The following COL20A1 variants were observed in gnomAD, a reference collection of about 807,000 sequenced individuals.
COL20A1 encodes collagen type XX alpha 1 chain.
In COL20A1, 164 loss-of-function variants were observed where a neutral mutation model predicts 152.9. The ratio of observed to expected loss-of-function variants is 1.07; its 90% CI spans 0.94 to 1.22. COL20A1 has a LOEUF of 1.22. Ranked by LOEUF, COL20A1 falls within the 50% of genes most tolerant of loss-of-function variation. The probability of loss-of-function intolerance (pLI) is 0.00; values close to 1 mark genes in which losing one functional copy is unlikely to be tolerated. For synonymous variants in COL20A1, 864 were observed against 756.0 expected, an observed-to-expected ratio of 1.14 and a Z score of -2.34; for missense variants, 1,873 against 1,744.8, an observed-to-expected ratio of 1.07 and a Z score of -1.31.
Position 63,311,297 on chromosome 20 carries a change from G to A in COL20A1, c.1394-97G>A. 2 of 1,319,920 alleles carry A rather than the reference G, an allele frequency of 1.5e-6. No individual in the cohort carries two copies. Among genetic ancestry groups the A allele is most frequent in the Non-Finnish European group, 2.0e-6 (2 of 986,072 alleles). 81.8% of individuals were successfully genotyped at this position (1,319,920 alleles called of 1,614,324 possible). On this transcript the variant is annotated intron_variant, in intron 11 of 35. Transcript: ENST00000358894. This position sits in a 1 kb window ranked among gnomAD's most constrained non-coding sequence, Gnocchi z 4.4. Reference sequence around the variant, plus strand: ...TTGAATCCTGTGCACCTGCCAGGCGGTGGCCGTGCCCACCCACTCTGGTGT... The same window carrying A: ...TTGAATCCTGTGCACCTGCCAGGCGATGGCCGTGCCCACCCACTCTGGTGT...
At chr20:63,317,467 A>C (rs2068099270) in intron 21 of COL20A1, among the ~76,000 whole-genome samples, 1 of 101,124 alleles carries the variant, frequency 9.9e-6, no homozygotes, top group African/African-American at 3.3e-5. Flanking sequence ...CCGTCCCTTA[A>C]AAAAAAAAAA....
At position 63,333,119 on chromosome 20, in the gene COL20A1, C is replaced by T. The variant is rs1249146884; in HGVS notation, c.*2403C>T. ...TCCCCTCCTGCCTTTACGGCCACAGCTCTCCCCTCCAGAGGCCCCTCTGTA... is the reference window on the plus strand; with the variant it reads ...TCCCCTCCTGCCTTTACGGCCACAGTTCTCCCCTCCAGAGGCCCCTCTGTA... On this transcript the variant is annotated 3_prime_UTR_variant, in exon 36 of 36. Coordinates refer to ENST00000358894, the MANE Select transcript of COL20A1 (RefSeq NM_020882.4). The T allele has an allele frequency of 6.6e-6, 1 of 152,358 alleles. No homozygotes were observed. Among genetic ancestry groups the T allele is most frequent in the African/African-American group, 2.4e-5 (1 of 41,424 alleles). The allele number at this position is 152,358 out of a possible 1,614,324, so 9.4% of individuals were successfully genotyped here.
Position 63,305,959 on chromosome 20 carries a change from C to T in COL20A1, c.416C>T (p.Ser139Phe), listed in dbSNP as rs1361397643. Residue 139 changes from serine to phenylalanine, a missense_variant, in exon 5 of 36, where the codon TCC becomes TTC. Coordinates refer to ENST00000358894, the MANE Select transcript of COL20A1 (RefSeq NM_020882.4). This position sits in a 1 kb window ranked among gnomAD's most constrained non-coding sequence, Gnocchi z 4.9. ...LGSGAPEPTPSHTGSPDPEQA... is the reference protein window; with the variant it reads ...LGSGAPEPTPFHTGSPDPEQA... ...TCTGGAGCCCCGGAGCCCACCCCCT[C>T]CCACACGGGGAGCCCAGACCCTGAG... is the stretch of plus-strand genomic sequence containing the variant. 2 of 1,612,608 alleles carry T rather than the reference C, an allele frequency of 1.2e-6. No homozygotes were observed. The highest frequency in any genetic ancestry group is 1.7e-6 in the Non-Finnish European group (2 of 1,179,750).
chr20:63,295,303 C>G (rs1340555359), intron 2 of COL20A1, 114 bp downstream of exon 2: 1 of 673,528 alleles, frequency 1.5e-6, no homozygotes, highest in Non-Finnish European at 2.6e-6. Context: ...AAGTTGAATG[C>G]GTGCTGAATT....
chr20:63,298,871 G>T (rs528394561), intron 3 of COL20A1, among the ~76,000 whole-genome samples: 2 of 152,352 alleles, frequency 1.3e-5, no homozygotes, highest in East Asian at 3.9e-4. Context: ...GCACTGTGGG[G>T]TGGCCAACTC....
chr20:63,312,028 G>A lies in COL20A1; in HGVS notation c.1776G>A (p.Val592=). ...TGCGCCTGGTCAGGGTCACCTATGTGTCCAGCGAGGGTGGACACTCGGGGC... is the reference window on the plus strand; with the variant it reads ...TGCGCCTGGTCAGGGTCACCTATGTATCCAGCGAGGGTGGACACTCGGGGC... ...RPVRLVRVTY[V]SSEGGHSGQT... The change falls in exon 14 of 36, where the codon GTG becomes GTA. Residue 592 remains valine (V), a synonymous_variant. Coordinates refer to ENST00000358894, the MANE Select transcript of COL20A1 (RefSeq NM_020882.4). 1.3e-6 allele frequency: 2 copies of A among 1,597,138 alleles called. No individual in the cohort carries two copies.
At position 63,319,041 on chromosome 20, in the gene COL20A1, TC is replaced by T; in HGVS notation, c.2664-12del. The T allele has an allele frequency of 6.4e-7, 1 of 1,564,806 alleles. No individual in the cohort carries two copies. Among genetic ancestry groups the T allele is most frequent in the Non-Finnish European group, 8.8e-7 (1 of 1,138,070 alleles). Reference sequence around the variant, plus strand: ...TTGGGTCTGCTCATGTGCCTCTCCCTCCCCCAACCCCCACAGTGACGTCTAC... The same window carrying T: ...TTGGGTCTGCTCATGTGCCTCTCCCTCCCCAACCCCCACAGTGACGTCTAC... On this transcript the variant is annotated splice_polypyrimidine_tract_variant and intron_variant, in intron 21 of 35. Coordinates refer to ENST00000358894, the MANE Select transcript of COL20A1 (RefSeq NM_020882.4). This position sits in a 1 kb window ranked among gnomAD's most constrained non-coding sequence, Gnocchi z 4.4.
In COL20A1 at chr20:63,325,957, A is replaced by G. The variant is rs960817201; in HGVS notation, c.3403-139A>G. On this transcript the variant is annotated intron_variant, in intron 29 of 35. Coordinates refer to ENST00000358894, the MANE Select transcript of COL20A1 (RefSeq NM_020882.4). Reference sequence around the variant, plus strand: ...AGGGTGGGTGGGGGAGTGGCTGGGTAGGAGCCTGGCAGCCTCAGCTGCCTC... The same window carrying G: ...AGGGTGGGTGGGGGAGTGGCTGGGTGGGAGCCTGGCAGCCTCAGCTGCCTC... 6.6e-5 allele frequency: 53 copies of G among 801,650 alleles called. No homozygotes were observed. In the East Asian group the frequency reaches 1.0e-3, roughly 16 times the overall value. The allele number at this position is 801,650 out of a possible 1,614,324, so 49.7% of individuals were successfully genotyped here.
At chr20:63,329,463 A>G in intron 34 of COL20A1, 122 bp from the exon 35 acceptor site, 3 of 730,026 alleles carry the variant, frequency 4.1e-6, no homozygotes, top group Non-Finnish European at 7.0e-6. Flanking sequence ...TCAGACTCCC[A>G]TCTAAGGACC....
At chr20:63,316,408 T>C (rs2068084603) in intron 20 of COL20A1, 145 bp from the exon 21 acceptor site, 3 of 196,850 alleles carry the variant, frequency 1.5e-5, no homozygotes, top group Admixed American at 7.0e-5. Flanking sequence ...CTGTGCTGAC[T>C]TCCCACCCAC....
chr20:63,326,059 C>A, intron 29 of COL20A1, 37 bp from the exon 30 acceptor site: 1 of 1,596,776 alleles, frequency 6.3e-7, no homozygotes. Flanking sequence ...GGTACAGGTA[C>A]AAACCCCACC....
intron 35 of COL20A1, among the ~76,000 whole-genome samples, chr20:63,330,221 G>A (rs2068314632): frequency 6.6e-6 from 1 of 152,158 alleles, no homozygotes; most frequent in African/African-American, 2.4e-5. Context: ...CCCAGCAGCA[G>A]GTGTGGGGAC....
intron 30 of COL20A1, 99 bp downstream of exon 30, chr20:63,326,248 T>C: frequency 1.0e-6 from 1 of 973,612 alleles, no homozygotes; most frequent in Non-Finnish European, 1.6e-6. Context: ...CACCCCTAGG[T>C]TACCCCAGGA....
chr20:63,327,199 G>A (rs931599967), intron 31 of COL20A1: 10 of 199,898 alleles, frequency 5.0e-5, no homozygotes, highest in East Asian at 1.3e-4. Flanking sequence ...TTGACGGCCC[G>A]GGGACTTCCT....
intron 3 of COL20A1, among the ~76,000 whole-genome samples, chr20:63,302,659 G>T (rs2067875453): frequency 6.6e-6 from 1 of 152,116 alleles, no homozygotes; most frequent in Non-Finnish European, 1.5e-5. Flanking sequence ...TCTGAATTGG[G>T]GTGTGAACAG....
intron 3 of COL20A1, among the ~76,000 whole-genome samples, chr20:63,299,374 A>G (rs1325294473): frequency 6.6e-6 from 1 of 152,110 alleles, no homozygotes; most frequent in Non-Finnish European, 1.5e-5. Context: ...CCGTTGCATG[A>G]CACCCTTGGC....
intron 34 of COL20A1, chr20:63,329,244 C>T (rs1237869508): frequency 3.8e-6 from 1 of 266,288 alleles, no homozygotes; most frequent in Non-Finnish European, 7.1e-6. Flanking sequence ...CCACAGTGGC[C>T]TGGTTGCAGC....
At position 63,319,299 on chromosome 20, in the gene COL20A1, C is replaced by T; in HGVS notation, c.2806+99C>T. 2 of 1,340,446 alleles carry T rather than the reference C, an allele frequency of 1.5e-6. No individual in the cohort carries two copies. The highest frequency in any genetic ancestry group is 2.0e-6 in the Non-Finnish European group (2 of 980,582). The allele number at this position is 1,340,446 out of a possible 1,614,324, so 83.0% of individuals were successfully genotyped here. Reference sequence around the variant, plus strand: ...CTTCAGAGGAAGTCCAGCCTCCAGGCCAGGCCCTCAGCACCCTCTGGGTGG... The same window carrying T: ...CTTCAGAGGAAGTCCAGCCTCCAGGTCAGGCCCTCAGCACCCTCTGGGTGG... On this transcript the variant is annotated intron_variant, in intron 22 of 35. Transcript: ENST00000358894. The surrounding 1 kb of genome is among the most constrained non-coding windows in gnomAD (Gnocchi z 4.4).
intron 25 of COL20A1, 55 bp from the exon 26 acceptor site, chr20:63,320,958 C>A: frequency 7.4e-7 from 1 of 1,343,640 alleles, no homozygotes; most frequent in Non-Finnish European, 1.0e-6. Context: ...GCTCTAGGGT[C>A]AGGCAAGAGC....
Sources: allele counts gnomAD v4.1 joint callset (sites outside exome capture counted in the v4.1 genomes callset), GRCh38; gene constraint gnomAD v4.1.1; non-coding constraint Gnocchi (gnomAD v3.1); transcripts MANE v1.5; gene names NCBI Gene and HGNC (gene_info 2026-07-23, HGNC 2026-07-21).